Variants in CUL1 observed in about 807,000 individuals in gnomAD.
CUL1 encodes cullin-1.
A neutral mutation model predicts 118.0 loss-of-function variants in CUL1; 24 were observed. That is an observed-to-expected ratio of 0.20 (90% confidence interval 0.15 to 0.29). The LOEUF (loss-of-function observed/expected upper bound fraction) is 0.29. Ranked by LOEUF, CUL1 falls within the 10% of genes least tolerant of loss-of-function variation. CUL1 has a pLI of 1.00. For missense variants in CUL1, 361 were observed against 933.8 expected (o/e 0.39, Z 7.99); for synonymous variants, 332 against 340.4 (o/e 0.98, Z 0.27).
intron 17 of CUL1, among the ~76,000 whole-genome samples, chr7:148,793,073 T>C (rs955964063): frequency 6.6e-6 from 1 of 152,038 alleles, no homozygotes; most frequent in Non-Finnish European, 1.5e-5. Flanking sequence ...GGCGGGAGGA[T>C]CACTTGAGCC....
At position 148,794,010 on chromosome 7, in the gene CUL1, A is replaced by G. The variant is rs1563171362; in HGVS notation, c.1899+1192A>G. 2.6e-5 allele frequency among the ~76,000 whole-genome samples: 4 copies of G among 152,146 alleles called. No homozygotes were observed. The South Asian group carries it at 8.3e-4, about 32-fold the overall frequency. The stretch of plus-strand genomic sequence containing the variant: ...TCTCTAACAACTAATGATGTGTAGA[A>G]TCTTTTTTGTGTTTATTGCCATTTG... On this transcript the variant is annotated intron_variant, in intron 17 of 21. Transcript: ENST00000325222.
chr7:148,781,079 A>ATTGTTT (rs1800611829), intron 9 of CUL1, among the ~76,000 whole-genome samples: 1 of 93,732 alleles, frequency 1.1e-5, no homozygotes, highest in Non-Finnish European at 1.9e-5. Context: ...TCAAGGCCAG[A>ATTGTTT]TTTTTTTTTT....
intron 1 of CUL1, among the ~76,000 whole-genome samples, chr7:148,699,859 G>C (rs1052461184): frequency 6.6e-6 from 1 of 152,066 alleles, no homozygotes; most frequent in African/African-American, 2.4e-5. Context: ...GAGGGTAGCC[G>C]TGCGCCCGCC....
At chr7:148,698,844 AGGAGG>A (rs1797609367), upstream of CUL1, 1 of 151,288 alleles carries the variant, frequency 6.6e-6, no homozygotes, top group Non-Finnish European at 1.5e-5. Flanking sequence ...CGGCGGGAGG[AGGAGG>A]GCCGGGCGGG....
chr7:148,766,492 C>T, intron 7 of CUL1, 69 bp from the exon 8 acceptor site: 20 of 1,259,170 alleles, frequency 1.6e-5, no homozygotes, highest in Non-Finnish European at 2.2e-5. Context: ...CTTTAATTTA[C>T]ATATTAAAGA....
Position 148,783,952 on chromosome 7 carries a change from T to C in CUL1, c.1192-19T>C, listed in dbSNP as rs78380043. The C allele has an allele frequency of 7.2e-3, 11,572 of 1,613,964 alleles. 55 individuals are homozygous for C. Among genetic ancestry groups the C allele is most frequent in the Non-Finnish European group, 7.9e-3 (9,311 of 1,179,840 alleles). ...TATGGATGGGGCGTTTGTCTCTAAC[T>C]ATATTCCGTGTAACGCAGGCTTGTG... On this transcript the variant is annotated intron_variant, in intron 10 of 21. Transcript: ENST00000325222.
chr7:148,741,695 T>C (rs1453478497), intron 2 of CUL1, among the ~76,000 whole-genome samples: 2 of 112,864 alleles, frequency 1.8e-5, no homozygotes, highest in Admixed American at 8.3e-5. Context: ...TGCCTCAGCC[T>C]CCCGAGTAGC....
chr7:148,769,523 C>G (rs1366837276), intron 9 of CUL1, among the ~76,000 whole-genome samples: 3 of 151,698 alleles, frequency 2.0e-5, no homozygotes, highest in Non-Finnish European at 4.4e-5. Flanking sequence ...AAGGTGCCTT[C>G]CCAGTTGTTG....
In CUL1 at chr7:148,757,117, C is replaced by T. The variant is rs549243189; in HGVS notation, c.450C>T (p.Asp150=). The change falls in exon 4 of 22, where the codon GAC becomes GAT. Residue 150 remains aspartate, a synonymous_variant. Coordinates refer to ENST00000325222, the MANE Select transcript of CUL1 (RefSeq NM_003592.3). ...GACATTGGGTTCGCCGTGAATGTGA[C>T]GAAGGACGAAAAGGAATATATGAAA... ...LNRHWVRREC[D]EGRKGIYEIY... 3.7e-5 allele frequency: 59 copies of T among 1,576,146 alleles called. No homozygotes were observed. The South Asian group carries it at 4.2e-4, about 11-fold the overall frequency.
chr7:148,785,542 T>TTTTC, intron 11 of CUL1, among the ~76,000 whole-genome samples: 1 of 151,122 alleles, frequency 6.6e-6, no homozygotes, highest in East Asian at 1.9e-4. Flanking sequence ...TTTTTTTTTT[T>TTTTC]TAGTAGAGAC....
chr7:148,702,178 G>A (rs1797740270), intron 1 of CUL1, among the ~76,000 whole-genome samples: 1 of 152,138 alleles, frequency 6.6e-6, no homozygotes. Context: ...ATAATATGAA[G>A]ATTTAGTAAA....
At chr7:148,705,601 G>C (rs1347206269) in intron 1 of CUL1, among the ~76,000 whole-genome samples, 1 of 152,188 alleles carries the variant, frequency 6.6e-6, no homozygotes, top group Admixed American at 6.5e-5. Context: ...CCGAAAGTCA[G>C]AACGGGGGAA....
At chr7:148,754,518 A>G (rs1178229573) in intron 3 of CUL1, among the ~76,000 whole-genome samples, 3 of 152,212 alleles carry the variant, frequency 2.0e-5, no homozygotes, top group Non-Finnish European at 4.4e-5. Context: ...ACCTTTTAGC[A>G]TAATAGTGCT....
intron 9 of CUL1, among the ~76,000 whole-genome samples, chr7:148,774,227 G>A (rs529767979): frequency 6.6e-6 from 1 of 152,110 alleles, no homozygotes; most frequent in Non-Finnish European, 1.5e-5. Flanking sequence ...GACAGCCAGC[G>A]CCGTGGGGTA....
At chr7:148,746,154 T>C (rs1347592591) in intron 2 of CUL1, among the ~76,000 whole-genome samples, 1 of 152,126 alleles carries the variant, frequency 6.6e-6, no homozygotes, top group Admixed American at 6.6e-5. Flanking sequence ...GGAGGGGCAG[T>C]GTTCTGGGCA....
intron 2 of CUL1, among the ~76,000 whole-genome samples, chr7:148,736,215 C>T (rs1798936991): frequency 6.6e-6 from 1 of 152,170 alleles, no homozygotes; most frequent in African/African-American, 2.4e-5. Context: ...ATGACTATTA[C>T]AGCCAGTGTT....
chr7:148,786,247 G>GT (rs755306317), intron 11 of CUL1, among the ~76,000 whole-genome samples: 1 of 152,194 alleles, frequency 6.6e-6, no homozygotes. Context: ...CTTTACTGAA[G>GT]TTTAAGTGGA....
intron 1 of CUL1, among the ~76,000 whole-genome samples, chr7:148,721,124 G>A (rs748314916): frequency 1.1e-4 from 17 of 152,176 alleles, no homozygotes; most frequent in Non-Finnish European, 2.2e-4. Flanking sequence ...GTGGCTTAGA[G>A]TATCCTTTAA....
intron 9 of CUL1, among the ~76,000 whole-genome samples, chr7:148,778,070 CAAAAAAAAAAAAAAA>C (rs1203417069): frequency 1.5e-4 from 2 of 13,792 alleles, no homozygotes; most frequent in South Asian, 7.6e-3. Context: ...GACCCTGTCT[CAAAAAAAAAAAAAAA>C]AAAAAAAAAA....
Sources: allele counts gnomAD v4.1 joint callset (sites outside exome capture counted in the v4.1 genomes callset), GRCh38; gene constraint gnomAD v4.1.1; transcripts MANE v1.5; gene names NCBI Gene and HGNC (gene_info 2026-07-23, HGNC 2026-07-21).